KIAA1328: variants seen among roughly 807,000 people sequenced by gnomAD.
KIAA1328 encodes the protein KIAA1328.
Under a neutral mutation model 68.1 loss-of-function variants are expected in KIAA1328, and 52 were observed. The observed-to-expected ratio is 0.76, with a 90% CI of 0.61 to 0.96. KIAA1328 has a LOEUF of 0.96. KIAA1328 is among the 40% of genes least tolerant of loss of function. KIAA1328 has a pLI of 0.00. For synonymous variants in KIAA1328, 232 were observed against 239.4 expected, an observed-to-expected ratio of 0.97 and a Z score of 0.28; for missense variants, 641 against 677.6, an observed-to-expected ratio of 0.95 and a Z score of 0.60.
At chr18:37,050,287 T>A (rs559132481) in intron 6 of KIAA1328, among the ~76,000 whole-genome samples, 178 of 152,306 alleles carry the variant, frequency 1.2e-3, no homozygotes, top group Non-Finnish European at 2.1e-3. Flanking sequence ...TTTTTTATGT[T>A]GCGTCCTTAA....
At chr18:36,905,293 A>G (rs2049178953) in intron 5 of KIAA1328, among the ~76,000 whole-genome samples, 1 of 151,788 alleles carries the variant, frequency 6.6e-6, no homozygotes, top group African/African-American at 2.4e-5. Flanking sequence ...TTATGTTTTT[A>G]GTAGAGATGA....
chr18:36,864,728 T>G (rs1301199118), intron 4 of KIAA1328, among the ~76,000 whole-genome samples: 1 of 151,878 alleles, frequency 6.6e-6, no homozygotes, highest in East Asian at 1.9e-4. Context: ...AAATATTCAC[T>G]GAAACCATCC....
At chr18:37,079,690 CCA>C in intron 7 of KIAA1328, among the ~76,000 whole-genome samples, 1 of 151,790 alleles carries the variant, frequency 6.6e-6, no homozygotes, top group Non-Finnish European at 1.5e-5. Context: ...GAGTTTGAGA[CCA>C]GCCTGGCCAA....
intron 4 of KIAA1328, among the ~76,000 whole-genome samples, chr18:36,866,897 A>C (rs2047771566): frequency 6.6e-6 from 1 of 152,222 alleles, no homozygotes; most frequent in African/African-American, 2.4e-5. Flanking sequence ...AGCATACTTA[A>C]AGAGTTTCAA....
At chr18:36,939,547 T>G (rs1161912736) in intron 5 of KIAA1328, among the ~76,000 whole-genome samples, 2 of 152,162 alleles carry the variant, frequency 1.3e-5, no homozygotes, top group Non-Finnish European at 2.9e-5. Flanking sequence ...AACAAAAAAT[T>G]TCACTTCTTC....
chr18:36,877,482 G>A (rs982301804), intron 4 of KIAA1328, among the ~76,000 whole-genome samples: 30 of 150,086 alleles, frequency 2.0e-4, no homozygotes, highest in African/African-American at 7.4e-4. Flanking sequence ...TCAGAGAATA[G>A]GATTGCAACC....
intron 6 of KIAA1328, among the ~76,000 whole-genome samples, chr18:36,991,186 G>A (rs1290553542): frequency 6.6e-6 from 1 of 152,154 alleles, no homozygotes; most frequent in Non-Finnish European, 1.5e-5. Context: ...TAGTCCTATA[G>A]TTGTGTGCTT....
intron 7 of KIAA1328, among the ~76,000 whole-genome samples, chr18:37,102,147 T>C (rs957055480): frequency 6.6e-6 from 1 of 152,190 alleles, no homozygotes; most frequent in African/African-American, 2.4e-5. Context: ...ATCATAAAGA[T>C]AGTGCACCAT....
intron 6 of KIAA1328, among the ~76,000 whole-genome samples, chr18:37,019,951 G>T (rs1234577113): frequency 3.9e-5 from 6 of 152,140 alleles, no homozygotes; most frequent in African/African-American, 1.4e-4. Context: ...GTTCACACAG[G>T]AAGGGTGGGG....
At chr18:37,098,459 T>C (rs2057485158) in intron 7 of KIAA1328, among the ~76,000 whole-genome samples, 1 of 152,236 alleles carries the variant, frequency 6.6e-6, no homozygotes, top group Non-Finnish European at 1.5e-5. Flanking sequence ...TTTGATGTGC[T>C]GCTGGATTCG....
intron 6 of KIAA1328, among the ~76,000 whole-genome samples, chr18:37,043,022 AC>A (rs2055319483): frequency 6.6e-6 from 1 of 151,564 alleles, no homozygotes; most frequent in Non-Finnish European, 1.5e-5. Context: ...TGTTGAGACC[AC>A]CTTCTGAATT....
chr18:37,065,508 C>T lies in KIAA1328; in HGVS notation c.577-1382C>T, dbSNP rs188623919. 3.2e-3 allele frequency among the ~76,000 whole-genome samples: 484 copies of T among 152,260 alleles called. 9 individuals are homozygous for T. The highest frequency in any genetic ancestry group is 1.2e-3 in the Non-Finnish European group (80 of 68,014). ...GAAATAACAGCTGCTAGGAATAACA[C>T]ATTTTCAAACAACCCATCTTGCTAG... On this transcript the variant is annotated intron_variant, in intron 6 of 9. Transcript: ENST00000280020.
At chr18:37,053,976 A>G (rs75416080) in intron 6 of KIAA1328, among the ~76,000 whole-genome samples, 4 of 151,200 alleles carry the variant, frequency 2.6e-5, no homozygotes, top group Non-Finnish European at 5.9e-5. Flanking sequence ...AAAAAAAAAA[A>G]CATTAAAAAG....
intron 6 of KIAA1328, among the ~76,000 whole-genome samples, chr18:37,047,924 G>A (rs1215027407): frequency 6.6e-6 from 1 of 152,094 alleles, no homozygotes; most frequent in African/African-American, 2.4e-5. Flanking sequence ...ATTTTAAAGA[G>A]GGAGTATAAT....
At chr18:37,012,131 C>G (rs2053999785) in intron 6 of KIAA1328, among the ~76,000 whole-genome samples, 1 of 152,094 alleles carries the variant, frequency 6.6e-6, no homozygotes, top group Non-Finnish European at 1.5e-5. Flanking sequence ...GGTTAGACTT[C>G]CAGTAGTGAC....
At chr18:36,990,014 G>A (rs994334122) in intron 6 of KIAA1328, among the ~76,000 whole-genome samples, 1 of 152,034 alleles carries the variant, frequency 6.6e-6, no homozygotes, top group Admixed American at 6.6e-5. Context: ...TTTTAAGACA[G>A]TTTTTTCCTC....
In KIAA1328 at chr18:36,912,570, G is replaced by T. The variant is rs1011495338; in HGVS notation, c.448+26898G>T. Among the ~76,000 whole-genome samples, 5 of 152,154 alleles carry T rather than the reference G, an allele frequency of 3.3e-5. No individual in the cohort carries two copies. The East Asian group carries it at 9.6e-4, about 29-fold the overall frequency. Reference sequence around the variant, plus strand: ...GATTAGGATGTGGACATCTGTGGGTGTACCGTTACTCCGCCTGCCTACCAC... The same window carrying T: ...GATTAGGATGTGGACATCTGTGGGTTTACCGTTACTCCGCCTGCCTACCAC... On this transcript the variant is annotated intron_variant, in intron 5 of 9. Transcript: ENST00000280020.
In KIAA1328 at chr18:37,203,142, G is replaced by A. The variant is rs569149369; in HGVS notation, c.1524-18875G>A. ...TGCTGTATGAAAATCATATTCAAAA[G>A]AGAAAACTAAATTCTACCTTCATAT... On this transcript the variant is annotated intron_variant, in intron 9 of 9. Transcript: ENST00000280020. Among the ~76,000 whole-genome samples, 152 of 150,090 alleles carry A rather than the reference G, an allele frequency of 1.0e-3. 2 individuals carry two copies. The highest frequency in any genetic ancestry group is 3.7e-3 in the African/African-American group (150 of 40,902).
chr18:36,890,259 C>T (rs2048638210), intron 5 of KIAA1328, among the ~76,000 whole-genome samples: 2 of 149,038 alleles, frequency 1.3e-5, no homozygotes, highest in Non-Finnish European at 3.0e-5. Context: ...GCAAAATCAC[C>T]TTTATTTGCA....
Sources: gnomAD v4.1 joint callset for allele counts (sites outside exome capture counted in the v4.1 genomes callset) on GRCh38, gnomAD v4.1.1 for gene constraint, MANE v1.5 for transcripts, NCBI Gene and HGNC (gene_info 2026-07-23, HGNC 2026-07-21) for gene names.